Variants in FAM20B observed in about 807,000 individuals in gnomAD.
FAM20B encodes the protein FAM20B glycosaminoglycan xylosylkinase, also known as glycosaminoglycan xylosylkinase.
In FAM20B, 23 loss-of-function variants were observed where a neutral mutation model predicts 43.8. That is an observed-to-expected ratio of 0.53 (90% CI 0.38 to 0.74). The LOEUF (loss-of-function observed/expected upper bound fraction) is 0.74. Ranked by LOEUF, FAM20B falls within the 30% of genes least tolerant of loss-of-function variation. The pLI is 0.00. For synonymous variants in FAM20B, 178 were observed against 192.4 expected (o/e 0.93, Z 0.62); for missense variants, 440 against 510.5 (o/e 0.86, Z 1.33).
chr1:179,045,497 T>A (rs1650725917), intron 2 of FAM20B, among the ~76,000 whole-genome samples: 1 of 152,190 alleles, frequency 6.6e-6, no homozygotes, highest in South Asian at 2.1e-4. Context: ...AGAGCATGAA[T>A]GTATAGGGAG....
chr1:179,046,496 C>T (rs909335713), intron 2 of FAM20B, among the ~76,000 whole-genome samples: 5 of 151,238 alleles, frequency 3.3e-5, no homozygotes, highest in African/African-American at 1.2e-4. Flanking sequence ...ACTAAAAATA[C>T]AAAAAATTAG....
At chr1:179,042,501 G>A (rs891528357) in intron 1 of FAM20B, among the ~76,000 whole-genome samples, 2 of 152,310 alleles carry the variant, frequency 1.3e-5, no homozygotes, top group South Asian at 2.1e-4. Flanking sequence ...GGCTCGGGGA[G>A]ACCCTAGGTC....
rs1355126322 is a variant in FAM20B at position 179,054,512 on chromosome 1, T to A, written c.465-17T>A. Reference sequence around the variant, plus strand: ...CCCTAAGATTTTTCTCTTCTGTTCTTCAATCTTCCAAACCAGGATTCTGGG... The same window carrying A: ...CCCTAAGATTTTTCTCTTCTGTTCTACAATCTTCCAAACCAGGATTCTGGG... On this transcript the variant is annotated splice_polypyrimidine_tract_variant and intron_variant, in intron 3 of 7. Transcript: ENST00000263733. 1.3e-6 allele frequency: 2 copies of A among 1,540,336 alleles called. No homozygotes were observed. Among genetic ancestry groups the A allele is most frequent in the South Asian group, 2.2e-5 (2 of 89,258 alleles).
chr1:179,047,766 A>G (rs569197882), intron 2 of FAM20B, among the ~76,000 whole-genome samples: 1 of 152,326 alleles, frequency 6.6e-6, no homozygotes, highest in East Asian at 1.9e-4. Flanking sequence ...TTCAGAGGCT[A>G]TTTATTTAGT....
chr1:179,024,574 C>A (rs1002830811), upstream of FAM20B, among the ~76,000 whole-genome samples: 5 of 152,120 alleles, frequency 3.3e-5, no homozygotes, highest in African/African-American at 1.2e-4. Flanking sequence ...GGCCAGAAAA[C>A]GACCTCCAAA....
At chr1:179,066,767 A>G (rs766407326) in intron 6 of FAM20B, 33 bp from the exon 7 acceptor site, 8 of 1,475,122 alleles carry the variant, frequency 5.4e-6, no homozygotes, top group Non-Finnish European at 7.6e-6. Context: ...CAGTACTTCC[A>G]CCTAATTCAC....
chr1:179,058,003 G>A (rs961804689), intron 4 of FAM20B, among the ~76,000 whole-genome samples: 3 of 152,116 alleles, frequency 2.0e-5, no homozygotes, highest in African/African-American at 7.2e-5. Context: ...ACCTTTGGCA[G>A]TCTGGAAAAG....
intron 4 of FAM20B, among the ~76,000 whole-genome samples, chr1:179,059,828 C>T (rs369063705): frequency 6.6e-6 from 1 of 151,800 alleles, no homozygotes; most frequent in South Asian, 2.1e-4. Flanking sequence ...AAAAATTAGC[C>T]GGGTGTGGTG....
At chr1:179,054,762 C>T in intron 4 of FAM20B, 124 bp downstream of exon 4, 1 of 507,526 alleles carries the variant, frequency 2.0e-6, no homozygotes, top group Non-Finnish European at 3.5e-6. Flanking sequence ...AAAAGCAAAT[C>T]AGACAACCAG....
At chr1:179,064,247 G>A in intron 5 of FAM20B, 58 bp from the exon 6 acceptor site, 4 of 1,477,588 alleles carry the variant, frequency 2.7e-6, no homozygotes, top group Non-Finnish European at 3.7e-6. Context: ...TTCTCTTTGT[G>A]TGTAACAGTG....
At chr1:179,021,519 C>T (rs1281686554), upstream of FAM20B, among the ~76,000 whole-genome samples, 1 of 152,042 alleles carries the variant, frequency 6.6e-6, no homozygotes, top group Admixed American at 6.6e-5. Context: ...TTTACTGAAG[C>T]GTATATGCCA....
chr1:179,046,467 A>G (rs540180681), intron 2 of FAM20B, among the ~76,000 whole-genome samples: 3 of 152,132 alleles, frequency 2.0e-5, no homozygotes, highest in African/African-American at 7.2e-5. Context: ...CCTGGCCAAC[A>G]TGGCGAAACC....
At chr1:179,036,227 T>G (rs1650220816) in intron 1 of FAM20B, among the ~76,000 whole-genome samples, 1 of 152,216 alleles carries the variant, frequency 6.6e-6, no homozygotes, top group Admixed American at 6.5e-5. Flanking sequence ...GAAAATTCCT[T>G]GTAAAGGTCT....
chr1:179,044,307 T>C (rs1423708936), intron 2 of FAM20B, 83 bp downstream of exon 2: 14 of 1,460,926 alleles, frequency 9.6e-6, no homozygotes, highest in Non-Finnish European at 1.2e-5. Context: ...TTTTGTCATC[T>C]TCTCTTGGAA....
At chr1:179,030,492 A>C (rs907093978) in intron 1 of FAM20B, among the ~76,000 whole-genome samples, 1 of 152,224 alleles carries the variant, frequency 6.6e-6, no homozygotes. Flanking sequence ...AGCCGATACT[A>C]GGAACCAGGT....
chr1:179,048,005 T>C (rs1650852447), intron 2 of FAM20B, among the ~76,000 whole-genome samples: 1 of 152,224 alleles, frequency 6.6e-6, no homozygotes, highest in African/African-American at 2.4e-5. Flanking sequence ...AGATACAAGG[T>C]GTGTGCAGTA....
chr1:179,066,630 G>C (rs1410761997), intron 6 of FAM20B, among the ~76,000 whole-genome samples, 170 bp from the exon 7 acceptor site: 3 of 152,100 alleles, frequency 2.0e-5, no homozygotes, highest in Non-Finnish European at 4.4e-5. Flanking sequence ...TAGGGATCCT[G>C]TGTCTAATTG....
At chr1:179,022,052 CA>C (rs879500969), upstream of FAM20B, among the ~76,000 whole-genome samples, 1 of 152,180 alleles carries the variant, frequency 6.6e-6, no homozygotes, top group African/African-American at 2.4e-5. Context: ...ATGGCATTGA[CA>C]GGGGTGCCAC....
intron 1 of FAM20B, among the ~76,000 whole-genome samples, chr1:179,040,685 C>T (rs867834148): frequency 9.1e-5 from 11 of 121,208 alleles, no homozygotes; most frequent in East Asian, 2.3e-4. Context: ...CCCTCCCGGA[C>T]GGGGCGGCTG....
Sources: gnomAD v4.1 joint callset for allele counts (sites outside exome capture counted in the v4.1 genomes callset) on GRCh38, gnomAD v4.1.1 for gene constraint, MANE v1.5 for transcripts, NCBI Gene and HGNC (gene_info 2026-07-23, HGNC 2026-07-21) for gene names.